Variants in P2RX7 observed in about 807,000 individuals in gnomAD.
P2RX7 encodes the protein P2X purinoceptor 7.
Under a neutral mutation model 71.6 loss-of-function variants are expected in P2RX7, and 62 were observed. The ratio of observed to expected loss-of-function variants is 0.87; its 90% confidence interval spans 0.71 to 1.07. The LOEUF (loss-of-function observed/expected upper bound fraction) is 1.07. Ranked by LOEUF, P2RX7 falls within the 50% of genes least tolerant of loss-of-function variation. The pLI is 0.00. For synonymous variants in P2RX7, 299 were observed against 283.3 expected (o/e 1.06, Z -0.56); for missense variants, 686 against 748.5 (o/e 0.92, Z 0.97).
rs142553145 is a variant in P2RX7 at position 121,182,724 on chromosome 12, G to A, written c.1291-1581G>A. On this transcript the variant is annotated intron_variant, in intron 12 of 12. Coordinates refer to ENST00000328963, the MANE Select transcript of P2RX7 (RefSeq NM_002562.6). ...GAATGTGAAAGCCTAGGTTGTTACC[G>A]TGCACTACAGTAGACTTCATAAACA... 1.3e-3 allele frequency among the ~76,000 whole-genome samples: 191 copies of A among 152,242 alleles called. 1 individual carries two copies. The highest frequency in any genetic ancestry group is 3.9e-3 in the African/African-American group (162 of 41,554).
At chr12:121,141,135 C>T (rs1264663938) in intron 1 of P2RX7, among the ~76,000 whole-genome samples, 1 of 152,164 alleles carries the variant, frequency 6.6e-6, no homozygotes, top group African/African-American at 2.4e-5. Context: ...AATTAAAACA[C>T]CTGCCTACTA....
chr12:121,158,218 G>A (rs578149620), intron 3 of P2RX7, among the ~76,000 whole-genome samples: 2 of 152,288 alleles, frequency 1.3e-5, no homozygotes, highest in Non-Finnish European at 2.9e-5. Flanking sequence ...CCTGATCATG[G>A]TGGGCTTAAC....
At chr12:121,179,875 C>T (rs138399449) in intron 11 of P2RX7, among the ~76,000 whole-genome samples, 5 of 150,528 alleles carry the variant, frequency 3.3e-5, no homozygotes, top group East Asian at 4.0e-4. Flanking sequence ...TTCCGCCTGG[C>T]GTGGTGGCTC....
Position 121,158,559 on chromosome 12 carries a change from G to A in P2RX7, c.364-2343G>A, listed in dbSNP as rs557063129. ...AGGCTTAGGCCTGGAACTGGCAACA[G>A]CATTCCTTCTGCTGCTTCTATTGGC... On this transcript the variant is annotated intron_variant, in intron 3 of 12. Transcript: ENST00000328963. 2.3e-3 allele frequency among the ~76,000 whole-genome samples: 354 copies of A among 152,318 alleles called. 2 individuals are homozygous for A. Among genetic ancestry groups the A allele is most frequent in the African/African-American group, 7.9e-3 (330 of 41,568 alleles).
chr12:121,177,503 C>T (rs1020461942), intron 11 of P2RX7, 57 bp downstream of exon 11: 47 of 1,543,844 alleles, frequency 3.0e-5, no homozygotes, highest in Middle Eastern at 2.3e-4. Context: ...TGAAATCACT[C>T]AGAAATGCAC....
intron 2 of P2RX7, among the ~76,000 whole-genome samples, 173 bp from the exon 3 acceptor site, chr12:121,155,906 G>T (rs1048895718): frequency 6.6e-6 from 1 of 152,146 alleles, no homozygotes; most frequent in African/African-American, 2.4e-5. Flanking sequence ...AGCTCAGCAG[G>T]GCTGCTCGTC....
intron 1 of P2RX7, among the ~76,000 whole-genome samples, chr12:121,144,081 A>G (rs964204406): frequency 2.0e-5 from 3 of 152,188 alleles, no homozygotes; most frequent in African/African-American, 4.8e-5. Flanking sequence ...CCAGGTAACC[A>G]TGAATCTATT....
At position 121,184,381 on chromosome 12, in the gene P2RX7, C is replaced by G. The variant is rs1884634318; in HGVS notation, c.1367C>G (p.Pro456Arg). 1.9e-6 allele frequency: 3 copies of G among 1,614,134 alleles called. No homozygotes were observed. Among genetic ancestry groups the G allele is most frequent in the Non-Finnish European group, 1.7e-6 (2 of 1,180,032 alleles). ...LHDTPPIPGQ[P>R]EEIQLLRKEA... ...GACACACCCCCGATTCCTGGACAAC[C>G]AGAGGAGATACAGCTGCTTAGAAAG... Residue 456 changes from proline (P) to arginine (R), a missense_variant, in exon 13 of 13, where the codon CCA (proline) becomes CGA (arginine). Transcript: ENST00000328963.
At chr12:121,165,315 T>C (rs507085) in intron 5 of P2RX7, 42 bp from the exon 6 acceptor site, 465,668 of 1,529,042 alleles carry the variant, frequency 0.3, 73,432 homozygotes, top group South Asian at 0.34. Context: ...CTCCCTCGGT[T>C]CCCCCCGTCA....
chr12:121,174,492 A>G (rs1654537047), intron 8 of P2RX7, among the ~76,000 whole-genome samples: 1 of 152,100 alleles, frequency 6.6e-6, no homozygotes, highest in Non-Finnish European at 1.5e-5. Context: ...GTGCTCTCCA[A>G]CCTGGGTGAC....
intron 7 of P2RX7, 125 bp from the exon 8 acceptor site, chr12:121,167,363 A>ATGGT: frequency 9.2e-7 from 1 of 1,082,830 alleles, no homozygotes; most frequent in Non-Finnish European, 1.4e-6. Flanking sequence ...GGCTGTACAT[A>ATGGT]TGGTTCTTCA....
At chr12:121,136,647 CTTTTTTTT>C (rs66894143) in intron 1 of P2RX7, among the ~76,000 whole-genome samples, 2 of 119,252 alleles carry the variant, frequency 1.7e-5, no homozygotes, top group African/African-American at 3.4e-5. Context: ...TTCTTTCTTT[CTTTTTTTT>C]TTTTTTTTTT....
chr12:121,156,226 G>T, intron 3 of P2RX7, 79 bp downstream of exon 3: 3 of 1,141,780 alleles, frequency 2.6e-6, no homozygotes, highest in Non-Finnish European at 4.0e-6. Flanking sequence ...GCAGAAATGC[G>T]GACCCTGGGG....
rs957228632 is a variant in P2RX7, at chr12:121,149,887, C to T, written c.126-4898C>T. On this transcript the variant is annotated intron_variant, in intron 1 of 12. Coordinates refer to ENST00000328963, the MANE Select transcript of P2RX7 (RefSeq NM_002562.6). This position sits in a 1 kb window ranked among gnomAD's most constrained non-coding sequence, Gnocchi z 4.7. ...ACCCCCACAACTTACCCATCCTCCCCGGCTCAGTGAAATCCCTAGGTCCTT... is the reference window on the plus strand; with the variant it reads ...ACCCCCACAACTTACCCATCCTCCCTGGCTCAGTGAAATCCCTAGGTCCTT... 3.9e-5 allele frequency among the ~76,000 whole-genome samples: 6 copies of T among 152,296 alleles called. No individual in the cohort carries two copies. The highest frequency in any genetic ancestry group is 7.2e-5 in the African/African-American group (3 of 41,562).
Position 121,160,979 on chromosome 12 carries a change from CT to C in P2RX7, c.436+7del. ...GGATGGACCCGCAGAGCAAAGGTACCTTCTGTTTCTTTTCCCGAGACCCTAG... is the reference window on the plus strand; with the variant it reads ...GGATGGACCCGCAGAGCAAAGGTACCTCTGTTTCTTTTCCCGAGACCCTAG... On this transcript the variant is annotated splice_donor_region_variant and intron_variant, in intron 4 of 12. Coordinates refer to ENST00000328963, the MANE Select transcript of P2RX7 (RefSeq NM_002562.6). 1 of 1,610,898 alleles carries C rather than the reference CT, an allele frequency of 6.2e-7. No homozygotes were observed. The highest frequency in any genetic ancestry group is 8.5e-7 in the Non-Finnish European group (1 of 1,177,060).
At chr12:121,171,862 C>CTTTCTTTT (rs1555228404) in intron 8 of P2RX7, among the ~76,000 whole-genome samples, 2 of 131,134 alleles carry the variant, frequency 1.5e-5, no homozygotes, top group East Asian at 2.2e-4. Flanking sequence ...TTCTTTCTTT[C>CTTTCTTTT]TTTTTTTTTT....
At chr12:121,134,308 C>A (rs1056977091) in intron 1 of P2RX7, among the ~76,000 whole-genome samples, 1 of 152,178 alleles carries the variant, frequency 6.6e-6, no homozygotes, top group African/African-American at 2.4e-5. Context: ...TTTTACATTC[C>A]TATCAGCAGA....
chr12:121,171,668 G>A (rs961759652), intron 8 of P2RX7, among the ~76,000 whole-genome samples: 13 of 151,850 alleles, frequency 8.6e-5, no homozygotes, highest in African/African-American at 3.1e-4. Flanking sequence ...TCCAGTGTAC[G>A]AAAAACACTC....
chr12:121,157,794 G>T (rs1218738136), intron 3 of P2RX7, among the ~76,000 whole-genome samples: 1 of 152,226 alleles, frequency 6.6e-6, no homozygotes, highest in Non-Finnish European at 1.5e-5. Flanking sequence ...GCCAAGTTGT[G>T]TGCATCTGTA....
Sources: allele counts gnomAD v4.1 joint callset (sites outside exome capture counted in the v4.1 genomes callset), GRCh38; gene constraint gnomAD v4.1.1; non-coding constraint Gnocchi (gnomAD v3.1); transcripts MANE v1.5; gene names NCBI Gene and HGNC (gene_info 2026-07-23, HGNC 2026-07-21).